Variants in CNIH3 observed in about 807,000 individuals in gnomAD.
The protein encoded by CNIH3 is cornichon family AMPA receptor auxiliary protein 3, also known as protein cornichon homolog 3.
CNIH3 carries 14 observed loss-of-function variants against 24.1 expected under a neutral mutation model. The ratio of observed to expected loss-of-function variants is 0.58; its 90% confidence interval spans 0.38 to 0.91. The LOEUF (loss-of-function observed/expected upper bound fraction) is 0.91, where lower values mean the gene tolerates loss of function less well. CNIH3 is among the 40% of genes least tolerant of loss of function. The pLI is 0.00. For missense variants in CNIH3, 178 were observed against 196.8 expected, an observed-to-expected ratio of 0.90 and a Z score of 0.57; for synonymous variants, 68 against 73.8, an observed-to-expected ratio of 0.92 and a Z score of 0.40.
intron 3 of CNIH3, among the ~76,000 whole-genome samples, chr1:224,707,301 A>G (rs1346670948): frequency 2.6e-5 from 4 of 152,196 alleles, no homozygotes; most frequent in Non-Finnish European, 5.9e-5. Flanking sequence ...ATTTTAATCA[A>G]AGTTTAAGCA....
intron 1 of CNIH3, among the ~76,000 whole-genome samples, chr1:224,646,697 T>C (rs559766945): frequency 1.3e-5 from 2 of 152,240 alleles, no homozygotes; most frequent in East Asian, 3.9e-4. Flanking sequence ...TGAGCCACCA[T>C]GTCCAGTCTA....
Position 224,662,438 on chromosome 1 carries a change from TA to T in CNIH3, c.82-18511del, listed in dbSNP as rs35460140. Reference sequence around the variant, plus strand: ...AAACTAATGATACTAGTCTTACTTATAAAAAAAAATCACACAAAGATCATTT... The same window carrying T: ...AAACTAATGATACTAGTCTTACTTATAAAAAAAATCACACAAAGATCATTT... On this transcript the variant is annotated intron_variant, in intron 1 of 5. Transcript: ENST00000272133. Among the ~76,000 whole-genome samples, 1,201 of 151,778 alleles carry T rather than the reference TA, an allele frequency of 7.9e-3. 4 individuals are homozygous for T. The highest frequency in any genetic ancestry group is 0.037 in the Middle Eastern group (11 of 294).
chr1:224,700,376 AT>A (rs1687420034), intron 3 of CNIH3, among the ~76,000 whole-genome samples: 1 of 152,206 alleles, frequency 6.6e-6, no homozygotes. Flanking sequence ...CACGTATAAA[AT>A]TTGGGAGGAC....
intron 1 of CNIH3, chr1:224,435,250 G>C: frequency 7.2e-6 from 7 of 976,750 alleles, no homozygotes; most frequent in Non-Finnish European, 7.3e-6. Context: ...CAGGGCTGTG[G>C]TAGGCCCCTC....
At chr1:224,472,936 A>T (rs1321958027) in intron 1 of CNIH3, among the ~76,000 whole-genome samples, 1 of 152,112 alleles carries the variant, frequency 6.6e-6, no homozygotes, top group Non-Finnish European at 1.5e-5. Context: ...TTTAGGGCCA[A>T]TTTTTCATAA....
intron 1 of CNIH3, among the ~76,000 whole-genome samples, chr1:224,505,339 A>G (rs889328453): frequency 7.3e-5 from 11 of 150,942 alleles, no homozygotes; most frequent in Non-Finnish European, 1.3e-4. Flanking sequence ...TTGCCATATC[A>G]TGAATTGTGG....
intron 1 of CNIH3, among the ~76,000 whole-genome samples, chr1:224,455,171 ATACTG>A (rs1440158172): frequency 6.6e-6 from 1 of 152,194 alleles, no homozygotes; most frequent in Non-Finnish European, 1.5e-5. Flanking sequence ...ATGTAATTGA[ATACTG>A]TACAGAAAGT....
chr1:224,486,391 G>A (rs7532359), intron 1 of CNIH3, among the ~76,000 whole-genome samples: 81,951 of 151,932 alleles, frequency 0.54, 25,498 homozygotes, highest in East Asian at 0.93. Flanking sequence ...GGGATTACAG[G>A]CATGAGCCAC....
chr1:224,638,091 C>T (rs747852245), intron 1 of CNIH3, among the ~76,000 whole-genome samples: 2 of 152,240 alleles, frequency 1.3e-5, no homozygotes, highest in African/African-American at 2.4e-5. Context: ...AGAAAAGGCT[C>T]ATGCAGCGAG....
intron 1 of CNIH3, among the ~76,000 whole-genome samples, chr1:224,662,159 A>G (rs766293765): frequency 7.9e-5 from 12 of 152,248 alleles, no homozygotes; most frequent in Non-Finnish European, 1.3e-4. Context: ...TTAATTGGAA[A>G]TGACTCAGAC....
chr1:224,446,800 T>C (rs1429486276), intron 1 of CNIH3, among the ~76,000 whole-genome samples: 1 of 152,104 alleles, frequency 6.6e-6, no homozygotes, highest in Non-Finnish European at 1.5e-5. Context: ...TTCAAAGAAG[T>C]CTATCTAGGT....
At chr1:224,549,341 ATAT>A (rs1226549267) in intron 3 of CNIH3, among the ~76,000 whole-genome samples, 1 of 152,084 alleles carries the variant, frequency 6.6e-6, no homozygotes, top group African/African-American at 2.4e-5. Context: ...AACACACTAG[ATAT>A]TATAGAAATA....
chr1:224,733,342 T>C (rs1271605365), intron 4 of CNIH3, among the ~76,000 whole-genome samples: 2 of 152,222 alleles, frequency 1.3e-5, no homozygotes, highest in South Asian at 2.1e-4. Flanking sequence ...CACCCTGCCC[T>C]TCTGCCTCCA....
rs73131000 is a variant in CNIH3, at chr1:224,703,589, G to A, written c.198+18746G>A. Among the ~76,000 whole-genome samples the A allele has an allele frequency of 5.3e-3, 810 of 152,240 alleles. 9 individuals carry two copies. Among genetic ancestry groups the A allele is most frequent in the African/African-American group, 0.018 (757 of 41,530 alleles). On this transcript the variant is annotated intron_variant, in intron 3 of 5. Transcript: ENST00000272133. This position sits in a 1 kb window ranked among gnomAD's most constrained non-coding sequence, Gnocchi z 4.2. Reference sequence around the variant, plus strand: ...TTTCATCAGCCTGGCTGTGCTGATGGGGAGCTACTGCTTTCCTATTAGCAT... The same window carrying A: ...TTTCATCAGCCTGGCTGTGCTGATGAGGAGCTACTGCTTTCCTATTAGCAT...
intron 1 of CNIH3, among the ~76,000 whole-genome samples, chr1:224,676,014 C>A (rs1180777861): frequency 1.3e-5 from 2 of 152,178 alleles, no homozygotes; most frequent in Admixed American, 6.5e-5. Flanking sequence ...AAATTGAAAA[C>A]TTATGTTTAG....
At chr1:224,634,872 C>A (rs1038971473) in intron 1 of CNIH3, among the ~76,000 whole-genome samples, 1 of 152,182 alleles carries the variant, frequency 6.6e-6, no homozygotes, top group African/African-American at 2.4e-5. Context: ...CCGCTGCATC[C>A]CCGCCAGGAG....
chr1:224,721,390 A>G (rs6426154), intron 3 of CNIH3, among the ~76,000 whole-genome samples: 63,736 of 151,778 alleles, frequency 0.42, 13,749 homozygotes, highest in East Asian at 0.62. Flanking sequence ...TACTCCCTTC[A>G]TCTCTGGCTC....
At chr1:224,440,095 G>A (rs1344934542) in intron 1 of CNIH3, among the ~76,000 whole-genome samples, 1 of 152,122 alleles carries the variant, frequency 6.6e-6, no homozygotes, top group African/African-American at 2.4e-5. Flanking sequence ...GCCAATTTTG[G>A]TATTTTTAGT....
At chr1:224,568,058 A>G (rs539330163) in intron 4 of CNIH3, among the ~76,000 whole-genome samples, 15 of 152,288 alleles carry the variant, frequency 9.8e-5, no homozygotes, top group Admixed American at 2.0e-4. Context: ...TTGGGAGGAC[A>G]AGGCGGGCGG....
Sources: gnomAD v4.1 joint callset for allele counts (sites outside exome capture counted in the v4.1 genomes callset) on GRCh38, gnomAD v4.1.1 for gene constraint, Gnocchi (gnomAD v3.1) non-coding constraint, MANE v1.5 for transcripts, NCBI Gene and HGNC (gene_info 2026-07-23, HGNC 2026-07-21) for gene names.